Variants in WASF2 observed in about 807,000 individuals in gnomAD.
WASF2 encodes actin-binding protein WASF2.
Under a neutral mutation model 45.0 loss-of-function variants are expected in WASF2, and 14 were observed. The ratio of observed to expected loss-of-function variants is 0.31; its 90% CI spans 0.21 to 0.49. The LOEUF (loss-of-function observed/expected upper bound fraction) is 0.49. Among genes scored for constraint, WASF2 ranks in the 20% least tolerant of loss-of-function variants. The probability of loss-of-function intolerance (pLI) is 0.99; values close to 1 mark genes in which losing one functional copy is unlikely to be tolerated. For missense variants in WASF2, 439 were observed against 636.1 expected, an observed-to-expected ratio of 0.69 and a Z score of 3.33; for synonymous variants, 200 against 236.3, an observed-to-expected ratio of 0.85 and a Z score of 1.41.
chr1:27,407,870 T>C lies in WASF2; in HGVS notation c.*319A>G. On this transcript the variant is annotated 3_prime_UTR_variant, in exon 9 of 9. Coordinates refer to ENST00000618852, the MANE Select transcript of WASF2 (RefSeq NM_006990.5). ...AATATGGCTCCTAAGGGAAGCCCCA[T>C]CTCCAACAGAAACCCGATCAAAGGA... The C allele has an allele frequency of 4.0e-6, 1 of 248,230 alleles. No individual in the cohort carries two copies. Among genetic ancestry groups the C allele is most frequent in the Non-Finnish European group, 7.8e-6 (1 of 128,804 alleles). 15.4% of individuals were successfully genotyped at this position (248,230 alleles called of 1,614,324 possible). A position where few individuals can be genotyped will look rare whatever the true frequency, so the allele number is the denominator to read the frequency against.
chr1:27,461,950 C>T (rs1461539366), intron 1 of WASF2, among the ~76,000 whole-genome samples: 2 of 151,592 alleles, frequency 1.3e-5, no homozygotes, highest in African/African-American at 4.9e-5. Context: ...GTCTGAGCTA[C>T]CACACACGGC....
At chr1:27,421,850 C>T (rs1259996279) in intron 2 of WASF2, among the ~76,000 whole-genome samples, 1 of 151,868 alleles carries the variant, frequency 6.6e-6, no homozygotes, top group East Asian at 1.9e-4. Context: ...GTGGCGGACA[C>T]CTGTAATCCC....
rs200002073 is a variant in WASF2 at position 27,446,958 on chromosome 1, C to T, written c.-43-18025G>A. 5.3e-5 allele frequency among the ~76,000 whole-genome samples: 8 copies of T among 152,198 alleles called. No homozygotes were observed. The East Asian group carries it at 1.5e-3, about 29-fold the overall frequency. ...CTGTTATAACATTTTCCCTCAGTGG[C>T]CTTCTGGTTCTTCCATTTTTATTTT... is the stretch of plus-strand genomic sequence containing the variant. On this transcript the variant is annotated intron_variant, in intron 1 of 8. Transcript: ENST00000618852.
At chr1:27,446,443 C>A (rs1382767875) in intron 1 of WASF2, among the ~76,000 whole-genome samples, 1 of 152,104 alleles carries the variant, frequency 6.6e-6, no homozygotes, top group Admixed American at 6.6e-5. Context: ...GAGATGAATT[C>A]TATAGCATTC....
intron 1 of WASF2, among the ~76,000 whole-genome samples, chr1:27,454,169 ATATATATATATATATATATTT>A (rs2017428876): frequency 2.6e-5 from 1 of 38,244 alleles, no homozygotes; most frequent in African/African-American, 1.1e-4. Flanking sequence ...ATATATATAT[ATATATATATATATATATATTT>A]TTTTTTTTTT....
chr1:27,450,707 T>C (rs2017373449), intron 1 of WASF2, among the ~76,000 whole-genome samples: 2 of 151,906 alleles, frequency 1.3e-5, no homozygotes, highest in Admixed American at 6.6e-5. Context: ...CCATGTTGCC[T>C]AGGCTGGTCT....
In WASF2 at chr1:27,409,975, G is replaced by A; in HGVS notation, c.1056C>T (p.Pro352=). Residue 352 remains proline, a synonymous_variant, in exon 8 of 9, where the codon CCC becomes CCT. Transcript: ENST00000618852. ...GSPGTPPPPS[P]PSFPPHPDFA... is the part of the protein sequence containing the mutation. ...AATCAGGGTGAGGTGGGAAAGATGG[G>A]GGTGAGGGTGGTGGAGGCGTCCCTG... 6.2e-7 allele frequency: 1 copy of A among 1,613,404 alleles called. No homozygotes were observed.
chr1:27,423,978 T>A (rs1225523119), intron 2 of WASF2, among the ~76,000 whole-genome samples: 1 of 152,000 alleles, frequency 6.6e-6, no homozygotes, highest in African/African-American at 2.4e-5. Flanking sequence ...GTGGCCACAA[T>A]ACTGATACAA....
chr1:27,416,082 A>G lies in WASF2; in HGVS notation c.440T>C (p.Leu147Pro). Reference sequence around the variant, plus strand: ...GTATGAAGGGTCTGTGTAGAATTTGAGTGCCTCTTTTCCATCGTCCCTGGG... The same window carrying G: ...GTATGAAGGGTCTGTGTAGAATTTGGGTGCCTCTTTTCCATCGTCCCTGGG... ...TPYRDDGKEALKFYTDPSYFF... is the reference protein window; with the variant it reads ...TPYRDDGKEAPKFYTDPSYFF... The change falls in exon 5 of 9, where the codon CTC becomes CCC. Residue 147 changes from leucine to proline, a missense_variant. Coordinates refer to ENST00000618852, the MANE Select transcript of WASF2 (RefSeq NM_006990.5). The G allele has an allele frequency of 1.2e-6, 2 of 1,614,022 alleles. No homozygotes were observed. The highest frequency in any genetic ancestry group is 1.7e-6 in the Non-Finnish European group (2 of 1,179,942).
In WASF2 at chr1:27,476,887, C is replaced by A. The variant is rs1426163046; in HGVS notation, c.-44+13099G>T. Among the ~76,000 whole-genome samples, 3 of 152,142 alleles carry A rather than the reference C, an allele frequency of 2.0e-5. 1 individual carries two copies. The highest frequency in any genetic ancestry group is 4.4e-5 in the Non-Finnish European group (3 of 68,026). ...TGTTCAGCAATGTGAAAAACAGCTT[C>A]CATGTAGACAAAAATAAGGTAATTC... On this transcript the variant is annotated intron_variant, in intron 1 of 8. Transcript: ENST00000618852.
At chr1:27,469,061 T>C (rs2017655126) in intron 1 of WASF2, among the ~76,000 whole-genome samples, 2 of 152,066 alleles carry the variant, frequency 1.3e-5, no homozygotes, top group African/African-American at 2.4e-5. Context: ...GAAAGAGAAA[T>C]TAATTGTGGA....
rs149918923 is a variant in WASF2 at position 27,425,588 on chromosome 1, C to T, written c.130+3173G>A. Reference sequence around the variant, plus strand: ...GCGCAGTGGCTCACGCTTGTAATCCCGGCACTCTGGGAGGCCCAGGTGGGC... The same window carrying T: ...GCGCAGTGGCTCACGCTTGTAATCCTGGCACTCTGGGAGGCCCAGGTGGGC... On this transcript the variant is annotated intron_variant, in intron 2 of 8. Coordinates refer to ENST00000618852, the MANE Select transcript of WASF2 (RefSeq NM_006990.5). 5.9e-3 allele frequency among the ~76,000 whole-genome samples: 901 copies of T among 152,250 alleles called. 2 individuals are homozygous for T. The highest frequency in any genetic ancestry group is 0.01 in the Admixed American group (156 of 15,294).
Position 27,449,235 on chromosome 1 carries a change from G to A in WASF2, c.-43-20302C>T, listed in dbSNP as rs2017349758. Among the ~76,000 whole-genome samples the A allele has an allele frequency of 2.0e-5, 3 of 152,154 alleles. No individual in the cohort carries two copies. The South Asian group carries it at 6.2e-4, about 32-fold the overall frequency. On this transcript the variant is annotated intron_variant, in intron 1 of 8. Coordinates refer to ENST00000618852, the MANE Select transcript of WASF2 (RefSeq NM_006990.5). ...TCTCTTACTAGACTGTGAGTTCTCT[G>A]AGGCTGCTATGAGTCATCTCTAATC...
At chr1:27,459,376 G>A (rs1354414247) in intron 1 of WASF2, 1 of 151,864 alleles carries the variant, frequency 6.6e-6, no homozygotes, top group African/African-American at 2.4e-5. Flanking sequence ...TATCCAGGCT[G>A]GTCTCCAACT....
At chr1:27,452,923 T>C (rs927173872) in intron 1 of WASF2, among the ~76,000 whole-genome samples, 8 of 149,770 alleles carry the variant, frequency 5.3e-5, no homozygotes, top group Non-Finnish European at 8.9e-5. Context: ...AAGAAGAATA[T>C]TGCCAGGCAC....
chr1:27,425,944 G>T (rs536220537), intron 2 of WASF2, among the ~76,000 whole-genome samples: 2 of 151,572 alleles, frequency 1.3e-5, no homozygotes. Flanking sequence ...ACGCAGAGGC[G>T]AAGGCTGCAG....
intron 1 of WASF2, among the ~76,000 whole-genome samples, chr1:27,456,733 C>CTTTTTTT (rs568890517): frequency 7.6e-6 from 1 of 132,170 alleles, no homozygotes. Context: ...AAGGTTTTCT[C>CTTTTTTT]TTTTTTTTTT....
chr1:27,417,359 T>A (rs962318436), intron 4 of WASF2, among the ~76,000 whole-genome samples: 2 of 152,160 alleles, frequency 1.3e-5, no homozygotes, highest in Non-Finnish European at 2.9e-5. Flanking sequence ...GGGGCAAACA[T>A]AATTTTACAA....
rs144840219 is a variant in WASF2, at chr1:27,428,885, C to T, written c.6G>A (p.Pro2=). Reference sequence around the variant, plus strand: ...TTGGCTCGATGTTCCTCGTTACTAACGGCATGGTGGACCTGCTTCAGGCAA... The same window carrying T: ...TTGGCTCGATGTTCCTCGTTACTAATGGCATGGTGGACCTGCTTCAGGCAA... The part of the protein sequence containing the change: M[P]LVTRNIEPRH... Residue 2 remains proline, a synonymous_variant, in exon 2 of 9, where the codon CCG becomes CCA. Coordinates refer to ENST00000618852, the MANE Select transcript of WASF2 (RefSeq NM_006990.5). 13 of 1,613,828 alleles carry T rather than the reference C, an allele frequency of 8.1e-6. No individual in the cohort carries two copies. In the African/African-American group the frequency reaches 1.1e-4, roughly 13 times the overall value.
Sources: gnomAD v4.1 joint callset for allele counts (sites outside exome capture counted in the v4.1 genomes callset) on GRCh38, gnomAD v4.1.1 for gene constraint, MANE v1.5 for transcripts, NCBI Gene and HGNC (gene_info 2026-07-23, HGNC 2026-07-21) for gene names.